TLL1: variants seen among roughly 807,000 people sequenced by gnomAD.
TLL1 encodes the protein tolloid-like protein 1.
TLL1 carries 49 observed loss-of-function variants against 128.2 expected under a neutral mutation model. The observed-to-expected ratio is 0.38, with a 90% CI of 0.30 to 0.48. The LOEUF (loss-of-function observed/expected upper bound fraction) is 0.48, where lower values mean the gene tolerates loss of function less well. Among genes scored for constraint, TLL1 ranks in the 20% least tolerant of loss-of-function variants. The pLI is 0.96. For missense variants in TLL1, 1,123 were observed against 1,242.0 expected (o/e 0.90, Z 1.44); for synonymous variants, 454 against 418.8 (o/e 1.08, Z -1.03).
intron 1 of TLL1, among the ~76,000 whole-genome samples, chr4:165,981,746 G>A (rs1420337479): frequency 6.6e-6 from 1 of 151,940 alleles, no homozygotes; most frequent in Non-Finnish European, 1.5e-5. Context: ...AGCCCTGGGT[G>A]GTTTTGTTGC....
chr4:165,958,581 G>T (rs1189815291), intron 1 of TLL1, among the ~76,000 whole-genome samples: 1 of 149,074 alleles, frequency 6.7e-6, no homozygotes, highest in East Asian at 2.0e-4. Context: ...TTTTAAATTT[G>T]TTTGAGTTCA....
At chr4:165,905,336 CAT>C (rs1732202963) in intron 1 of TLL1, among the ~76,000 whole-genome samples, 1 of 152,118 alleles carries the variant, frequency 6.6e-6, no homozygotes, top group Admixed American at 6.5e-5. Context: ...ACAAAATGTA[CAT>C]GTTAGAACGT....
At chr4:166,007,176 G>A (rs373651047) in intron 6 of TLL1, among the ~76,000 whole-genome samples, 27 of 151,638 alleles carry the variant, frequency 1.8e-4, no homozygotes, top group African/African-American at 5.3e-4. Flanking sequence ...GTGTCTTTCC[G>A]GAATCATTGA....
At chr4:165,971,414 T>C (rs933208055) in intron 1 of TLL1, among the ~76,000 whole-genome samples, 1 of 152,212 alleles carries the variant, frequency 6.6e-6, no homozygotes, top group Non-Finnish European at 1.5e-5. Context: ...TCCATTCCCA[T>C]TGTTGTGTGA....
chr4:166,014,490 T>G lies in TLL1; in HGVS notation c.972T>G (p.Pro324=), dbSNP rs189229919. 8 of 1,612,598 alleles carry G rather than the reference T, an allele frequency of 5.0e-6. No homozygotes were observed. In the East Asian group the frequency reaches 1.8e-4, roughly 36 times the overall value. ...CCCGTGATGATAATGGCATACGTCCTGCAATTGGTCAGCGAACCCGTCTAA... is the reference window on the plus strand; with the variant it reads ...CCCGTGATGATAATGGCATACGTCCGGCAATTGGTCAGCGAACCCGTCTAA... ...LPSRDDNGIR[P]AIGQRTRLSK... is the part of the protein sequence containing the mutation. The change falls in exon 8 of 21, where the codon CCT becomes CCG. Residue 324 remains proline (P), a synonymous_variant. Coordinates refer to ENST00000061240, the MANE Select transcript of TLL1 (RefSeq NM_012464.5).
intron 10 of TLL1, among the ~76,000 whole-genome samples, chr4:166,041,581 G>A (rs1054935067): frequency 1.3e-5 from 2 of 152,022 alleles, no homozygotes. Context: ...TTACAGGCGT[G>A]AGCCACTGTG....
At chr4:166,079,079 C>A (rs1025415283) in intron 18 of TLL1, among the ~76,000 whole-genome samples, 1 of 152,174 alleles carries the variant, frequency 6.6e-6, no homozygotes, top group Non-Finnish European at 1.5e-5. Context: ...GTTATCAATT[C>A]ATTTCAGCCA....
At chr4:165,980,053 C>T (rs77619967) in intron 1 of TLL1, among the ~76,000 whole-genome samples, 2,691 of 152,232 alleles carry the variant, frequency 0.018, 40 homozygotes, top group Non-Finnish European at 0.028. Context: ...CTATCCAAAC[C>T]GTATCCATGT....
At chr4:165,971,823 G>C (rs1735640649) in intron 1 of TLL1, among the ~76,000 whole-genome samples, 1 of 152,136 alleles carries the variant, frequency 6.6e-6, no homozygotes, top group Non-Finnish European at 1.5e-5. Flanking sequence ...GCTGTGTCCT[G>C]TCTCTTTTTG....
At chr4:165,983,009 A>G (rs968037896) in intron 1 of TLL1, among the ~76,000 whole-genome samples, 2 of 151,874 alleles carry the variant, frequency 1.3e-5, no homozygotes, top group South Asian at 4.1e-4. Flanking sequence ...TTAATATTTG[A>G]GCAGTGTAAG....
chr4:166,100,428 A>C (rs1161812230), intron 20 of TLL1, among the ~76,000 whole-genome samples: 1 of 152,130 alleles, frequency 6.6e-6, no homozygotes, highest in African/African-American at 2.4e-5. Flanking sequence ...AATCAAGAGA[A>C]CTTGGCTTAA....
intron 1 of TLL1, among the ~76,000 whole-genome samples, chr4:165,971,378 G>C (rs548996615): frequency 1.3e-5 from 2 of 152,270 alleles, no homozygotes; most frequent in South Asian, 4.1e-4. Context: ...GTGCCCAAGG[G>C]CTTCATTTGA....
At chr4:165,956,862 T>C (rs1734825556) in intron 1 of TLL1, among the ~76,000 whole-genome samples, 1 of 152,094 alleles carries the variant, frequency 6.6e-6, no homozygotes, top group African/African-American at 2.4e-5. Context: ...GGTCCCTCTG[T>C]TTGGGGTCCC....
chr4:166,043,226 A>G (rs755448033), intron 11 of TLL1, 48 bp from the exon 12 acceptor site: 2 of 1,612,998 alleles, frequency 1.2e-6, no homozygotes, highest in South Asian at 2.2e-5. Context: ...TGAAAATGAA[A>G]TAGCATGTCC....
intron 1 of TLL1, among the ~76,000 whole-genome samples, chr4:165,879,408 T>C (rs1730882710): frequency 6.6e-6 from 1 of 152,196 alleles, no homozygotes. Context: ...AACAATATTC[T>C]TTGCAAACCT....
intron 8 of TLL1, among the ~76,000 whole-genome samples, chr4:166,023,174 G>A (rs1490138164): frequency 1.3e-5 from 2 of 152,062 alleles, no homozygotes; most frequent in Non-Finnish European, 2.9e-5. Context: ...CGAGGCAGGT[G>A]GATCACCTGA....
intron 8 of TLL1, among the ~76,000 whole-genome samples, chr4:166,019,708 A>G (rs780273079): frequency 6.6e-6 from 1 of 152,184 alleles, no homozygotes; most frequent in Non-Finnish European, 1.5e-5. Context: ...GCTGAACTTT[A>G]CTAAATGATA....
At chr4:165,912,322 T>C (rs1295426964) in intron 1 of TLL1, among the ~76,000 whole-genome samples, 1 of 152,172 alleles carries the variant, frequency 6.6e-6, no homozygotes, top group Non-Finnish European at 1.5e-5. Context: ...GACTTCCACT[T>C]CTGTCTTCAT....
rs1736689133 is a variant in TLL1 at position 165,992,439 on chromosome 4, G to A, written c.281-365G>A. 3.9e-5 allele frequency among the ~76,000 whole-genome samples: 6 copies of A among 152,088 alleles called. No individual in the cohort carries two copies. In the South Asian group the frequency reaches 1.2e-3, roughly 32 times the overall value. On this transcript the variant is annotated intron_variant, in intron 2 of 20. Coordinates refer to ENST00000061240, the MANE Select transcript of TLL1 (RefSeq NM_012464.5). ...CCGAAAATATTCAGTTTGCACTGGG[G>A]AAATAGCTGGCATGCAATCAACAGG... is the stretch of plus-strand genomic sequence containing the variant.
Sources: gnomAD v4.1 joint callset for allele counts (sites outside exome capture counted in the v4.1 genomes callset) on GRCh38, gnomAD v4.1.1 for gene constraint, MANE v1.5 for transcripts, NCBI Gene and HGNC (gene_info 2026-07-23, HGNC 2026-07-21) for gene names.